RNPC3: variants seen among roughly 807,000 people sequenced by gnomAD.
RNPC3 encodes RNA binding region (RNP1, RRM) containing 3, also known as RNA-binding region-containing protein 3.
Under a neutral mutation model 67.5 loss-of-function variants are expected in RNPC3, and 48 were observed. The observed-to-expected ratio is 0.71, with a 90% CI of 0.56 to 0.90. RNPC3 has a LOEUF of 0.90. Among genes scored for constraint, RNPC3 ranks in the 40% least tolerant of loss-of-function variants. The pLI, the probability that RNPC3 is intolerant of heterozygous loss-of-function variation, is 0.00. For synonymous variants in RNPC3, 239 were observed against 210.3 expected (o/e 1.14, Z -1.18); for missense variants, 637 against 626.1 (o/e 1.02, Z -0.19).
At chr1:103,534,188 G>A in intron 3 of RNPC3, among the ~76,000 whole-genome samples, 1 of 151,934 alleles carries the variant, frequency 6.6e-6, no homozygotes, top group Non-Finnish European at 1.5e-5. Flanking sequence ...AATCAAGACT[G>A]GCATTTTGTT....
Position 103,533,739 on chromosome 1 carries a change from G to A in RNPC3, c.241G>A (p.Ala81Thr). 1.4e-6 allele frequency: 2 copies of A among 1,447,536 alleles called. No individual in the cohort carries two copies. The highest frequency in any genetic ancestry group is 1.4e-5 in the African/African-American group (1 of 70,938). 89.7% of individuals were successfully genotyped at this position (1,447,536 alleles called of 1,614,324 possible). A position where few individuals can be genotyped will look rare whatever the true frequency, so the allele number is the denominator to read the frequency against. Residue 81 changes from alanine (A) to threonine (T), a missense_variant and splice_region_variant, in exon 3 of 15, where the codon GCA becomes ACA. Coordinates refer to ENST00000423855, the MANE Select transcript of RNPC3 (RefSeq NM_017619.4). The stretch of plus-strand genomic sequence containing the variant: ...TTTACTCTTGTTCTTTTAACTGAAG[G>A]CATTGACAAGACTCCATCAACTGAA... ...TFPNEKAAIK[A>T]LTRLHQLKLL... is the part of the protein sequence containing the mutation.
chr1:103,549,349 A>AT (rs1464025137), intron 12 of RNPC3, among the ~76,000 whole-genome samples: 1 of 152,120 alleles, frequency 6.6e-6, no homozygotes, highest in Non-Finnish European at 1.5e-5. Flanking sequence ...TGGCCTATGT[A>AT]TTTTTTTAGA....
In RNPC3 at chr1:103,533,748, A is replaced by G; in HGVS notation, c.250A>G (p.Arg84Gly). ...GTTCTTTTAACTGAAGGCATTGACA[A>G]GACTCCATCAACTGAAACTTTTAGG... ...NEKAAIKALT[R>G]LHQLKLLGHT... Residue 84 changes from arginine (R) to glycine (G), a missense_variant, in exon 3 of 15, where the codon AGA becomes GGA. Arg to Gly is a moderately radical substitution (Grantham distance 125, BLOSUM62 -2). Around this residue, in one of 3 missense-constraint regions of RNPC3, gnomAD observed 536 missense variants for 500.3 expected, o/e 1.07. Transcript: ENST00000423855. 6 of 1,520,584 alleles carry G rather than the reference A, an allele frequency of 3.9e-6. No individual in the cohort carries two copies. The highest frequency in any genetic ancestry group is 5.3e-6 in the Non-Finnish European group (6 of 1,132,836). 94.2% of individuals were successfully genotyped at this position (1,520,584 alleles called of 1,614,324 possible). A position where few individuals can be genotyped will look rare whatever the true frequency, so the allele number is the denominator to read the frequency against.
chr1:103,531,643 A>G (rs1283858547), intron 2 of RNPC3, among the ~76,000 whole-genome samples: 1 of 151,802 alleles, frequency 6.6e-6, no homozygotes, highest in Non-Finnish European at 1.5e-5. Context: ...TGTGTATCTT[A>G]TTTTGAGAAT....
intron 2 of RNPC3, among the ~76,000 whole-genome samples, chr1:103,533,291 G>T (rs577841015): frequency 2.1e-4 from 32 of 151,992 alleles, no homozygotes; most frequent in South Asian, 4.1e-4. Flanking sequence ...TAAGCTAACG[G>T]AATACAAGAA....
At chr1:103,543,910 A>G (rs1255664720) in intron 9 of RNPC3, among the ~76,000 whole-genome samples, 2 of 151,744 alleles carry the variant, frequency 1.3e-5, no homozygotes, top group African/African-American at 4.8e-5. Flanking sequence ...CAAGAATACT[A>G]TTCTTAAGTT....
At chr1:103,526,589 A>G (rs76210998) in intron 1 of RNPC3, among the ~76,000 whole-genome samples, 1,647 of 152,262 alleles carry the variant, frequency 0.011, 37 homozygotes, top group African/African-American at 0.038. Flanking sequence ...TTTCTCCTGG[A>G]CTCAAGAGTA....
chr1:103,541,398 A>G lies in RNPC3; in HGVS notation c.816A>G (p.Lys272=), dbSNP rs923999096. 3.8e-5 allele frequency: 57 copies of G among 1,509,954 alleles called. No homozygotes were observed. The highest frequency in any genetic ancestry group is 4.5e-5 in the Non-Finnish European group (51 of 1,137,664). The allele number at this position is 1,509,954 out of a possible 1,614,324, so 93.5% of individuals were successfully genotyped here. Residue 272 remains lysine, a synonymous_variant, in exon 8 of 15, where the codon AAA becomes AAG. Coordinates refer to ENST00000423855, the MANE Select transcript of RNPC3 (RefSeq NM_017619.4). The part of the protein sequence containing the change: ...ELANLQPKRP[K]TIKQRHVRKK... ...CAAATCTTCAGCCCAAAAGACCTAA[A>G]ACAATAAAGCAGCGCCATGTGAGAA...
At chr1:103,527,150 A>G (rs978641381) in intron 1 of RNPC3, among the ~76,000 whole-genome samples, 3 of 152,200 alleles carry the variant, frequency 2.0e-5, no homozygotes, top group Non-Finnish European at 4.4e-5. Context: ...GCTCTTCCTT[A>G]GCATAGTGAT....
intron 2 of RNPC3, among the ~76,000 whole-genome samples, chr1:103,529,533 C>T (rs183791036): frequency 2.0e-5 from 3 of 151,748 alleles, no homozygotes; most frequent in Admixed American, 6.6e-5. Flanking sequence ...AGTAAGTAGC[C>T]GAGTCAGGTA....
At chr1:103,551,637 A>T in intron 13 of RNPC3, 84 bp from the exon 14 acceptor site, 1 of 832,802 alleles carries the variant, frequency 1.2e-6, no homozygotes, top group South Asian at 1.7e-5. Flanking sequence ...CCATACTCCC[A>T]CCATACACTA....
intron 6 of RNPC3, among the ~76,000 whole-genome samples, chr1:103,536,910 T>C (rs572007364): frequency 6.6e-6 from 1 of 152,342 alleles, no homozygotes; most frequent in East Asian, 1.9e-4. Flanking sequence ...TTTTTGGTTA[T>C]GTCAGATCCT....
At chr1:103,530,621 C>T (rs145414825) in intron 2 of RNPC3, among the ~76,000 whole-genome samples, 2 of 152,184 alleles carry the variant, frequency 1.3e-5, no homozygotes, top group Admixed American at 6.5e-5. Flanking sequence ...AGATTGCTGT[C>T]AGTAAAATAG....
chr1:103,554,229 C>G (rs1180335693), intron 14 of RNPC3: 5 of 152,380 alleles, frequency 3.3e-5, no homozygotes, highest in Admixed American at 2.0e-4. Context: ...TGGCTTGCAC[C>G]TCTGGTCTCA....
chr1:103,540,565 A>G (rs943316554), intron 7 of RNPC3, among the ~76,000 whole-genome samples: 1 of 152,164 alleles, frequency 6.6e-6, no homozygotes, highest in Non-Finnish European at 1.5e-5. Flanking sequence ...AAAGGGTTTA[A>G]ATTACAGCAT....
At chr1:103,551,188 A>G in intron 13 of RNPC3, 115 bp downstream of exon 13, 1 of 853,376 alleles carries the variant, frequency 1.2e-6, no homozygotes. Flanking sequence ...AGCAGTAGAT[A>G]TTCATTCGTT....
At position 103,527,033 on chromosome 1, in the gene RNPC3, T is replaced by A. The variant is rs189331458; in HGVS notation, c.193-662T>A. Among the ~76,000 whole-genome samples the A allele has an allele frequency of 5.7e-3, 862 of 151,996 alleles. 11 individuals carry two copies. In the Middle Eastern group the frequency reaches 0.065, roughly 11 times the overall value. ...ATGCCTGCAAATTAAAAAAAAAAAA[T>A]TATATATGGCTCAATTTAAGTACAT... On this transcript the variant is annotated intron_variant, in intron 1 of 14. Coordinates refer to ENST00000423855, the MANE Select transcript of RNPC3 (RefSeq NM_017619.4).
At position 103,531,775 on chromosome 1, in the gene RNPC3, C is replaced by T. The variant is rs1423806557; in HGVS notation, c.241-1964C>T. On this transcript the variant is annotated intron_variant, in intron 2 of 14. Transcript: ENST00000423855. ...TATAGATTGCAAATATTTTCTCCCG[C>T]TATGGGTTGTCTGTTTGTTGATTGT... Among the ~76,000 whole-genome samples, 3 of 152,040 alleles carry T rather than the reference C, an allele frequency of 2.0e-5. No individual in the cohort carries two copies. In the East Asian group the frequency reaches 5.8e-4, roughly 29 times the overall value.
At chr1:103,540,817 T>G (rs1431347560) in intron 7 of RNPC3, among the ~76,000 whole-genome samples, 1 of 152,200 alleles carries the variant, frequency 6.6e-6, no homozygotes, top group Non-Finnish European at 1.5e-5. Context: ...GTGTTGTCAC[T>G]TCCTGAAACT....
Sources: gnomAD v4.1 joint callset for allele counts (sites outside exome capture counted in the v4.1 genomes callset) on GRCh38, gnomAD v4.1.1 for gene constraint, gnomAD v4.1.1 regional missense constraint, MANE v1.5 for transcripts, NCBI Gene and HGNC (gene_info 2026-07-23, HGNC 2026-07-21) for gene names.